The following HECTD4 variants were observed in gnomAD, a reference collection of about 807,000 sequenced individuals.
The protein encoded by HECTD4 is HECT domain E3 ubiquitin protein ligase 4.
A neutral mutation model predicts 471.5 loss-of-function variants in HECTD4; 114 were observed. That is an observed-to-expected ratio of 0.24 (90% CI 0.21 to 0.28). The LOEUF (loss-of-function observed/expected upper bound fraction) is 0.28, where lower values mean the gene tolerates loss of function less well. Ranked by LOEUF, HECTD4 falls within the 10% of genes least tolerant of loss-of-function variation. The probability of loss-of-function intolerance (pLI) is 1.00; values close to 1 mark genes in which losing one functional copy is unlikely to be tolerated. For synonymous variants in HECTD4, 2,012 were observed against 2,256.0 expected (o/e 0.89, Z 3.07); for missense variants, 3,866 against 5,651.5 (o/e 0.68, Z 10.13).
At chr12:112,248,038 C>G (rs1039321081) in intron 27 of HECTD4, 29 bp downstream of exon 27, 1 of 1,510,826 alleles carries the variant, frequency 6.6e-7, no homozygotes, top group Non-Finnish European at 9.2e-7. Flanking sequence ...ATGGCAATAC[C>G]CCAGTGACAA....
At chr12:112,323,981 CCTTCCTTCCTTCCTTCCTTCCTT>C (rs2035659320) in intron 1 of HECTD4, among the ~76,000 whole-genome samples, 1 of 24,932 alleles carries the variant, frequency 4.0e-5, no homozygotes, top group Non-Finnish European at 6.4e-5. Flanking sequence ...TTCCTTCCTT[CCTTCCTTCCTTCCTTCCTTCCTT>C]CCTTCCTTCC....
chr12:112,350,435 C>T (rs2036230359), intron 1 of HECTD4, among the ~76,000 whole-genome samples: 1 of 152,142 alleles, frequency 6.6e-6, no homozygotes, highest in African/African-American at 2.4e-5. Context: ...AGAGCAGCAT[C>T]GTCATGTTCT....
At position 112,272,120 on chromosome 12, in the gene HECTD4, C is replaced by T. The variant is rs1293897999; in HGVS notation, c.1942+1535G>A. 6.6e-5 allele frequency among the ~76,000 whole-genome samples: 10 copies of T among 152,128 alleles called. No homozygotes were observed. In the East Asian group the frequency reaches 1.7e-3, roughly 26 times the overall value. On this transcript the variant is annotated intron_variant, in intron 11 of 75. Coordinates refer to ENST00000682272, the MANE Select transcript of HECTD4 (RefSeq NM_001388303.1). The stretch of plus-strand genomic sequence containing the variant: ...CTGGGGTGCAATGGCATGATCTCAG[C>T]TCACTGCAACCTCAGCCTCCCAGTT...
intron 7 of HECTD4, among the ~76,000 whole-genome samples, chr12:112,290,924 A>G (rs1482830370): frequency 1.3e-5 from 2 of 151,996 alleles, no homozygotes; most frequent in Non-Finnish European, 2.9e-5. Flanking sequence ...GGGATCAATA[A>G]AAGGATTTGT....
intron 7 of HECTD4, chr12:112,302,652 C>A: frequency 5.1e-6 from 3 of 584,954 alleles, no homozygotes; most frequent in Non-Finnish European, 9.1e-6. Context: ...TCCCCTTGGC[C>A]TTCTTTCCTT....
Position 112,184,983 on chromosome 12 carries a change from C to T in HECTD4, c.9983G>A (p.Arg3328His), listed in dbSNP as rs751778527. Residue 3328 changes from arginine (R) to histidine (H), a missense_variant, in exon 61 of 76, where the codon CGC becomes CAC. Coordinates refer to ENST00000682272, the MANE Select transcript of HECTD4 (RefSeq NM_001388303.1). This position sits in a 1 kb window ranked among gnomAD's most constrained non-coding sequence, Gnocchi z 9.1. ...KREKASSSGK[R>H]QSSRTVDSDP... ...CGAGTCCACGGTGCGGGAAGACTGGCGCTTGCCCGACGAGGAGGCCTTTTC... is the reference window on the plus strand; with the variant it reads ...CGAGTCCACGGTGCGGGAAGACTGGTGCTTGCCCGACGAGGAGGCCTTTTC... 5.6e-6 allele frequency: 9 copies of T among 1,612,838 alleles called. 1 individual carries two copies. In the South Asian group the frequency reaches 6.6e-5, roughly 12 times the overall value.
chr12:112,210,186 T>G lies in HECTD4; in HGVS notation c.7696A>C (p.Asn2566His), dbSNP rs895918083. Residue 2566 changes from asparagine to histidine, a missense_variant, in exon 50 of 76, where the codon AAT (asparagine) becomes CAT (histidine). By Grantham distance (68) the Asn-to-His change is moderately conservative. Around this residue, in one of 16 missense-constraint regions of HECTD4, gnomAD observed 617 missense variants for 915.1 expected, o/e 0.67. Coordinates refer to ENST00000682272, the MANE Select transcript of HECTD4 (RefSeq NM_001388303.1). ...FAYAEGQAHR[N>H]AADLCTDLAE... ...AGGTCAGTGCACAGGTCAGCAGCAT[T>G]GCGGTGGGCCTGCCCTTCCGCGTAG... The G allele has an allele frequency of 6.2e-7, 1 of 1,614,066 alleles. No homozygotes were observed. The highest frequency in any genetic ancestry group is 1.3e-5 in the African/African-American group (1 of 75,074).
intron 55 of HECTD4, among the ~76,000 whole-genome samples, chr12:112,197,656 T>A (rs1401978839): frequency 6.6e-6 from 1 of 152,230 alleles, no homozygotes; most frequent in East Asian, 1.9e-4. Flanking sequence ...TGATTAAACA[T>A]CCTACACTTG....
rs552825286 is a variant in HECTD4, at chr12:112,262,388, C to T, written c.2749-959G>A. Reference sequence around the variant, plus strand: ...TAGCTGGGCATTACAGATGGGCGCACATCTGTAATCCCAGCTACTCGGGAG... The same window carrying T: ...TAGCTGGGCATTACAGATGGGCGCATATCTGTAATCCCAGCTACTCGGGAG... On this transcript the variant is annotated intron_variant, in intron 17 of 75. Transcript: ENST00000682272. 8.6e-5 allele frequency among the ~76,000 whole-genome samples: 13 copies of T among 151,486 alleles called. No individual in the cohort carries two copies. In the East Asian group the frequency reaches 2.6e-3, roughly 30 times the overall value.
intron 72 of HECTD4, among the ~76,000 whole-genome samples, chr12:112,165,374 T>C (rs531495786): frequency 7.0e-6 from 1 of 143,106 alleles, no homozygotes; most frequent in Non-Finnish European, 1.5e-5. Flanking sequence ...TTTTTTGAGA[T>C]GAAGTCTTGC....
At chr12:112,257,744 A>G (rs957870875) in intron 20 of HECTD4, among the ~76,000 whole-genome samples, 2 of 152,212 alleles carry the variant, frequency 1.3e-5, no homozygotes, top group East Asian at 1.9e-4. Flanking sequence ...TTACTGATGG[A>G]CGTTTATGTT....
At chr12:112,344,999 G>C (rs2036122395) in intron 1 of HECTD4, among the ~76,000 whole-genome samples, 1 of 149,336 alleles carries the variant, frequency 6.7e-6, no homozygotes, top group South Asian at 2.1e-4. Context: ...GTGCATGCCT[G>C]TCCCAGCACT....
At chr12:112,293,487 A>AG (rs1270984678) in intron 7 of HECTD4, among the ~76,000 whole-genome samples, 1 of 152,112 alleles carries the variant, frequency 6.6e-6, no homozygotes, top group African/African-American at 2.4e-5. Flanking sequence ...GGTTGCAGTG[A>AG]GCCGAGATCG....
At position 112,283,280 on chromosome 12, in the gene HECTD4, G is replaced by C. The variant is rs1006877383; in HGVS notation, c.1358C>G (p.Ala453Gly). The change falls in exon 8 of 76, where the codon GCC (alanine) becomes GGC (glycine). Residue 453 changes from alanine to glycine, a missense_variant. By Grantham distance (60) the Ala-to-Gly change is moderately conservative. This residue lies in a region of HECTD4 where 440 missense variants were observed against 636.0 expected (regional missense o/e 0.69). Transcript: ENST00000682272. ...AATTGTACGTTCCTGAAGTGGGTTG[G>C]CTACAAATACACCATTTTCAACCTA... ...ELVVENGVFV[A>G]NPLQERTILM... 1 of 1,612,412 alleles carries C rather than the reference G, an allele frequency of 6.2e-7. No individual in the cohort carries two copies. Among genetic ancestry groups the C allele is most frequent in the Non-Finnish European group, 8.5e-7 (1 of 1,179,086 alleles).
intron 29 of HECTD4, among the ~76,000 whole-genome samples, chr12:112,245,099 C>T (rs2033729189): frequency 6.6e-6 from 1 of 152,108 alleles, no homozygotes; most frequent in African/African-American, 2.4e-5. Flanking sequence ...AACTCCTGGA[C>T]TCAAGCAATC....
chr12:112,256,199 C>A, intron 21 of HECTD4, 121 bp downstream of exon 21: 1 of 713,534 alleles, frequency 1.4e-6, no homozygotes. Context: ...GAAAGTTCTC[C>A]TTAGAGATAT....
chr12:112,186,375 G>A (rs2031864298), intron 60 of HECTD4, among the ~76,000 whole-genome samples: 1 of 131,640 alleles, frequency 7.6e-6, no homozygotes, highest in African/African-American at 3.0e-5. Context: ...TCTTACTCTG[G>A]TACCCAGGCT....
In HECTD4 at chr12:112,328,038, G is replaced by A. The variant is rs181167630; in HGVS notation, c.178-8296C>T. Among the ~76,000 whole-genome samples, 153 of 152,266 alleles carry A rather than the reference G, an allele frequency of 1.0e-3. 2 individuals carry two copies. Among genetic ancestry groups the A allele is most frequent in the Non-Finnish European group, 1.5e-4 (10 of 68,034 alleles). The stretch of plus-strand genomic sequence containing the variant: ...TTCAATTCATTATATGAACCTGTCA[G>A]CATAAAAGGAATTTATACTTGGATT... On this transcript the variant is annotated intron_variant, in intron 1 of 75. Coordinates refer to ENST00000682272, the MANE Select transcript of HECTD4 (RefSeq NM_001388303.1).
chr12:112,267,026 G>A, intron 13 of HECTD4, 44 bp from the exon 14 acceptor site: 1 of 1,015,590 alleles, frequency 9.8e-7, no homozygotes, highest in Non-Finnish European at 1.5e-6. Context: ...AAATGTTCTA[G>A]AAAATCAACT....
Sources: gnomAD v4.1 joint callset for allele counts (sites outside exome capture counted in the v4.1 genomes callset) on GRCh38, gnomAD v4.1.1 for gene constraint, gnomAD v4.1.1 regional missense constraint, Gnocchi (gnomAD v3.1) non-coding constraint, MANE v1.5 for transcripts, NCBI Gene and HGNC (gene_info 2026-07-23, HGNC 2026-07-21) for gene names.